The following PIP4K2A variants were observed in gnomAD, a reference collection of about 807,000 sequenced individuals.
PIP4K2A encodes the protein phosphatidylinositol 5-phosphate 4-kinase type-2 alpha.
In PIP4K2A, 14 loss-of-function variants were observed where a neutral mutation model predicts 42.9. The observed-to-expected ratio is 0.33, with a 90% CI of 0.22 to 0.51. The LOEUF (loss-of-function observed/expected upper bound fraction) is 0.51, where lower values mean the gene tolerates loss of function less well. Ranked by LOEUF, PIP4K2A falls within the 20% of genes least tolerant of loss-of-function variation. The pLI is 0.97. For synonymous variants in PIP4K2A, 192 were observed against 192.2 expected, an observed-to-expected ratio of 1.00 and a Z score of 0.01; for missense variants, 434 against 519.8, an observed-to-expected ratio of 0.83 and a Z score of 1.61.
chr10:22,576,616 A>T (rs1837130140), intron 4 of PIP4K2A, among the ~76,000 whole-genome samples: 1 of 152,210 alleles, frequency 6.6e-6, no homozygotes, highest in South Asian at 2.1e-4. Flanking sequence ...CTTGGTCTGC[A>T]TTTGGAAACT....
intron 1 of PIP4K2A, among the ~76,000 whole-genome samples, chr10:22,649,152 A>C (rs1211245708): frequency 6.6e-6 from 1 of 152,236 alleles, no homozygotes; most frequent in Non-Finnish European, 1.5e-5. Context: ...CATTTGTTTA[A>C]TGGATTCTCT....
chr10:22,568,983 T>A, intron 5 of PIP4K2A: 1 of 1,512,814 alleles, frequency 6.6e-7, no homozygotes, highest in Non-Finnish European at 8.9e-7. Flanking sequence ...CCTGGGTTAC[T>A]TGAGTTAGCC....
At chr10:22,669,731 GGCAGTGGA>G (rs1220770120) in intron 1 of PIP4K2A, among the ~76,000 whole-genome samples, 2 of 152,200 alleles carry the variant, frequency 1.3e-5, no homozygotes, top group Non-Finnish European at 2.9e-5. Flanking sequence ...CAGGCAATGG[GGCAGTGGA>G]GCTTGGAAGA....
chr10:22,563,930 G>A (rs1199791373), intron 6 of PIP4K2A, among the ~76,000 whole-genome samples: 1 of 152,118 alleles, frequency 6.6e-6, no homozygotes, highest in African/African-American at 2.4e-5. Context: ...ACCCCCTAGG[G>A]AGATGTTTGA....
chr10:22,573,296 T>C lies in PIP4K2A; in HGVS notation c.639+15A>G, dbSNP rs370521357. On this transcript the variant is annotated intron_variant, in intron 5 of 9. Coordinates refer to ENST00000376573, the MANE Select transcript of PIP4K2A (RefSeq NM_005028.5). ...GCTTGAGTTACTTTACAAAAATTCA[T>C]AAAATCAGTCTCACCTTTAAGTCGT... 18 of 1,609,354 alleles carry C rather than the reference T, an allele frequency of 1.1e-5. No individual in the cohort carries two copies. The highest frequency in any genetic ancestry group is 1.4e-5 in the Non-Finnish European group (17 of 1,177,078).
intron 1 of PIP4K2A, among the ~76,000 whole-genome samples, chr10:22,612,827 T>A (rs893783114): frequency 4.6e-5 from 7 of 152,132 alleles, no homozygotes; most frequent in African/African-American, 1.7e-4. Flanking sequence ...AGTGTCAATG[T>A]CAGGTAGGCC....
intron 1 of PIP4K2A, among the ~76,000 whole-genome samples, chr10:22,643,325 T>C (rs944136899): frequency 5.9e-5 from 9 of 152,178 alleles, no homozygotes; most frequent in African/African-American, 1.7e-4. Context: ...GTGTTATCTA[T>C]GGCTGTGTTC....
At chr10:22,707,570 A>T (rs1833844477) in intron 1 of PIP4K2A, among the ~76,000 whole-genome samples, 1 of 152,238 alleles carries the variant, frequency 6.6e-6, no homozygotes. Flanking sequence ...CAAGAAGAAC[A>T]GCTCTTAAGA....
At chr10:22,586,222 T>C (rs1015165278) in intron 4 of PIP4K2A, among the ~76,000 whole-genome samples, 1 of 152,244 alleles carries the variant, frequency 6.6e-6, no homozygotes, top group African/African-American at 2.4e-5. Flanking sequence ...GTGCTTAATA[T>C]GAATTCTCCA....
rs1408308501 is a variant in PIP4K2A, at chr10:22,609,669, C to T, written c.193G>A (p.Asp65Asn). Residue 65 changes from aspartate (D) to asparagine (N), a missense_variant, in exon 2 of 10, where the codon GAC (aspartate) becomes AAC (asparagine). Asp to Asn is a conservative substitution (Grantham distance 23, BLOSUM62 1). Around this residue, in one of 2 missense-constraint regions of PIP4K2A, gnomAD observed 395 missense variants for 444.5 expected, o/e 0.89. Coordinates refer to ENST00000376573, the MANE Select transcript of PIP4K2A (RefSeq NM_005028.5). ...VQIPVMLMPD[D>N]FKAYSKIKVD... ...TTTATTTTTGAATAGGCTTTGAAGT[C>T]ATCTGGCATCAACATAACAGGGATT... 1 of 1,610,314 alleles carries T rather than the reference C, an allele frequency of 6.2e-7. No homozygotes were observed. Among genetic ancestry groups the T allele is most frequent in the African/African-American group, 1.3e-5 (1 of 74,828 alleles).
At chr10:22,628,626 G>A (rs926521203) in intron 1 of PIP4K2A, among the ~76,000 whole-genome samples, 11 of 152,202 alleles carry the variant, frequency 7.2e-5, no homozygotes, top group South Asian at 2.1e-4. Flanking sequence ...TCAGATACAC[G>A]TAAGATTCAC....
chr10:22,591,582 G>A (rs745856928), intron 4 of PIP4K2A, 47 bp downstream of exon 4: 62 of 1,428,470 alleles, frequency 4.3e-5, no homozygotes, highest in South Asian at 2.8e-4. Context: ...AAATCGCTAC[G>A]CATGTTAATC....
At chr10:22,553,007 C>T (rs945082103) in intron 6 of PIP4K2A, among the ~76,000 whole-genome samples, 2 of 152,104 alleles carry the variant, frequency 1.3e-5, no homozygotes, top group Admixed American at 1.3e-4. Flanking sequence ...ATGAATGCCA[C>T]TTCAGGTTCA....
intron 1 of PIP4K2A, among the ~76,000 whole-genome samples, chr10:22,611,991 A>T (rs1375067418): frequency 1.3e-5 from 2 of 152,234 alleles, no homozygotes; most frequent in Non-Finnish European, 2.9e-5. Context: ...ATCACTTAAG[A>T]GAGTCTTCTC....
intron 1 of PIP4K2A, among the ~76,000 whole-genome samples, chr10:22,671,189 T>C (rs1024459788): frequency 6.6e-6 from 1 of 152,292 alleles, no homozygotes; most frequent in East Asian, 1.9e-4. Flanking sequence ...CACACACATA[T>C]ATCAGTCTAA....
chr10:22,661,537 T>G (rs75638212), intron 1 of PIP4K2A, among the ~76,000 whole-genome samples: 19,832 of 151,896 alleles, frequency 0.13, 1,490 homozygotes, highest in Middle Eastern at 0.22. Context: ...TAAAAAAAAT[T>G]TTTTTTGTAG....
At chr10:22,675,264 C>T (rs1588700449) in intron 1 of PIP4K2A, among the ~76,000 whole-genome samples, 1 of 152,108 alleles carries the variant, frequency 6.6e-6, no homozygotes. Flanking sequence ...TGACATATTA[C>T]CTGATACTTT....
intron 8 of PIP4K2A, 36 bp from the exon 9 acceptor site, chr10:22,540,110 T>G: frequency 9.7e-7 from 1 of 1,033,892 alleles, no homozygotes; most frequent in Non-Finnish European, 1.5e-6. Context: ...GTGGGACATG[T>G]GACAACACCA....
chr10:22,627,630 A>AAAAG (rs1346625282), intron 1 of PIP4K2A, among the ~76,000 whole-genome samples: 6 of 118,134 alleles, frequency 5.1e-5, no homozygotes, highest in Non-Finnish European at 9.1e-5. Flanking sequence ...AAAAAAAAAA[A>AAAAG]AGATAAGGAA....
Sources: gnomAD v4.1 joint callset for allele counts (sites outside exome capture counted in the v4.1 genomes callset) on GRCh38, gnomAD v4.1.1 for gene constraint, gnomAD v4.1.1 regional missense constraint, MANE v1.5 for transcripts, NCBI Gene and HGNC (gene_info 2026-07-23, HGNC 2026-07-21) for gene names.